PCDH15: variants seen among roughly 807,000 people sequenced by gnomAD.
PCDH15 encodes protocadherin related 15.
A neutral mutation model predicts 178.5 loss-of-function variants in PCDH15; 129 were observed. The ratio of observed to expected loss-of-function variants is 0.72; its 90% CI spans 0.63 to 0.84. The LOEUF (loss-of-function observed/expected upper bound fraction) is 0.84, where lower values mean the gene tolerates loss of function less well. PCDH15 is among the 40% of genes least tolerant of loss of function. PCDH15 has a pLI of 0.00. For missense variants in PCDH15, 2,230 were observed against 2,099.9 expected, an observed-to-expected ratio of 1.06 and a Z score of -1.21; for synonymous variants, 800 against 732.0, an observed-to-expected ratio of 1.09 and a Z score of -1.50.
At chr10:54,441,592 C>A (rs1172359954) in intron 3 of PCDH15, among the ~76,000 whole-genome samples, 1 of 151,958 alleles carries the variant, frequency 6.6e-6, no homozygotes, top group East Asian at 1.9e-4. Context: ...ATTCACACAC[C>A]AAATTGTGGC....
chr10:54,951,978 C>T (rs1240198306), intron 2 of PCDH15, among the ~76,000 whole-genome samples: 3 of 151,726 alleles, frequency 2.0e-5, no homozygotes, highest in Non-Finnish European at 4.4e-5. Context: ...AAATTGCCTC[C>T]TCAATCCGTG....
chr10:54,389,885 G>A (rs1442370600), intron 3 of PCDH15, among the ~76,000 whole-genome samples: 1 of 152,130 alleles, frequency 6.6e-6, no homozygotes, highest in Non-Finnish European at 1.5e-5. Context: ...CCAGGAGGCA[G>A]AGGTTGCAGA....
intron 2 of PCDH15, among the ~76,000 whole-genome samples, chr10:54,540,216 GT>G (rs2085057051): frequency 6.6e-6 from 1 of 152,050 alleles, no homozygotes; most frequent in South Asian, 2.1e-4. Context: ...CCAAAAGTTG[GT>G]TGTTTGAAAG....
chr10:53,886,586 T>G (rs928965952), intron 26 of PCDH15, among the ~76,000 whole-genome samples: 1 of 141,040 alleles, frequency 7.1e-6, no homozygotes, highest in Non-Finnish European at 1.5e-5. Flanking sequence ...CCTGCCCACA[T>G]GTATGCCTCT....
chr10:53,987,976 G>C (rs568658244), intron 21 of PCDH15, among the ~76,000 whole-genome samples: 1 of 152,138 alleles, frequency 6.6e-6, no homozygotes, highest in East Asian at 1.9e-4. Context: ...TTCATTCTTA[G>C]AGAATGGATT....
chr10:54,047,302 G>A (rs1161682369), intron 18 of PCDH15, among the ~76,000 whole-genome samples: 1 of 150,302 alleles, frequency 6.7e-6, no homozygotes, highest in African/African-American at 2.5e-5. Flanking sequence ...GTAAAGAGAT[G>A]TGCTATTTTT....
At chr10:53,847,776 C>T (rs1344511383) in intron 28 of PCDH15, among the ~76,000 whole-genome samples, 1 of 152,088 alleles carries the variant, frequency 6.6e-6, no homozygotes, top group Admixed American at 6.5e-5. Context: ...CTTACTCTTA[C>T]TCTGATCCTT....
At chr10:55,557,129 T>C (rs1842106529) in intron 2 of PCDH15, among the ~76,000 whole-genome samples, 2 of 152,170 alleles carry the variant, frequency 1.3e-5, no homozygotes, top group South Asian at 4.1e-4. Context: ...TATCTTTTAA[T>C]GTCTTCTGCT....
Position 55,013,276 on chromosome 10 carries a change from A to T in PCDH15, c.-79-115776T>A, listed in dbSNP as rs6481135. 7.9e-4 allele frequency among the ~76,000 whole-genome samples: 120 copies of T among 152,274 alleles called. 3 individuals are homozygous for T. The highest frequency in any genetic ancestry group is 7.0e-3 in the South Asian group (34 of 4,830). On this transcript the variant is annotated intron_variant, in intron 2 of 5. Coordinates refer to the PCDH15 transcript ENST00000458638. ...TTCTTCATCATCTATTAGCTCCTCCAACAGTTCTGTGCACAGTACCTGAAA... is the reference window on the plus strand; with the variant it reads ...TTCTTCATCATCTATTAGCTCCTCCTACAGTTCTGTGCACAGTACCTGAAA...
chr10:55,081,393 T>C lies in PCDH15; in HGVS notation c.-80+85183A>G, dbSNP rs182373694. On this transcript the variant is annotated intron_variant, in intron 2 of 5. Coordinates refer to the PCDH15 transcript ENST00000458638. Reference sequence around the variant, plus strand: ...CTCATTTATGAAGGCTCCACTCTCATGACCTAATTACATTCCAAGTGCCCT... The same window carrying C: ...CTCATTTATGAAGGCTCCACTCTCACGACCTAATTACATTCCAAGTGCCCT... Among the ~76,000 whole-genome samples the C allele has an allele frequency of 3.3e-5, 5 of 152,322 alleles. No individual in the cohort carries two copies. The East Asian group carries it at 9.7e-4, about 29-fold the overall frequency.
In PCDH15 at chr10:53,866,639, T is replaced by C. The variant is rs2079475588; in HGVS notation, c.3717+3A>G. 6.2e-7 allele frequency: 1 copy of C among 1,612,346 alleles called. No homozygotes were observed. The highest frequency in any genetic ancestry group is 1.3e-5 in the African/African-American group (1 of 74,894). On this transcript the variant is annotated splice_donor_region_variant and intron_variant, in intron 27 of 37. Transcript: ENST00000644397. ...TCCCTTTCCTGAAGTTTTATCTACT[T>C]ACGAGTACATCGGCTTTGCCGCTCA... is the stretch of plus-strand genomic sequence containing the variant.
At chr10:55,620,961 C>T (rs1162522204) in intron 2 of PCDH15, among the ~76,000 whole-genome samples, 4 of 151,546 alleles carry the variant, frequency 2.6e-5, no homozygotes, top group African/African-American at 9.7e-5. Context: ...AAGAACATAA[C>T]ATGTCATGCA....
At chr10:53,850,864 T>C (rs1479751114) in intron 28 of PCDH15, among the ~76,000 whole-genome samples, 1 of 152,096 alleles carries the variant, frequency 6.6e-6, no homozygotes, top group African/African-American at 2.4e-5. Context: ...AGCAATTTAA[T>C]TGTAGAATAT....
intron 18 of PCDH15, among the ~76,000 whole-genome samples, chr10:54,032,233 T>G (rs1590023562): frequency 6.6e-6 from 1 of 152,052 alleles, no homozygotes; most frequent in Admixed American, 6.6e-5. Context: ...CTGATTATTC[T>G]TCAGCCCTAG....
At chr10:54,995,262 A>G (rs897007765) in intron 2 of PCDH15, among the ~76,000 whole-genome samples, 2 of 151,806 alleles carry the variant, frequency 1.3e-5, no homozygotes, top group Admixed American at 6.6e-5. Context: ...TGTAGTCCCA[A>G]CTACTCGGGA....
rs552411873 is a variant in PCDH15 at position 55,277,588 on chromosome 10, A to G, written c.-156+42011T>C. Among the ~76,000 whole-genome samples, 9 of 152,212 alleles carry G rather than the reference A, an allele frequency of 5.9e-5. No homozygotes were observed. The East Asian group carries it at 1.7e-3, about 29-fold the overall frequency. On this transcript the variant is annotated intron_variant, in intron 1 of 5. Transcript: ENST00000458638. ...CCCTGCTTTCCTGGAAGCATACAAA[A>G]CTAGTATAATGACAGACTGCTAAAA...
chr10:54,463,537 C>A (rs952006954), intron 3 of PCDH15, among the ~76,000 whole-genome samples: 3 of 152,068 alleles, frequency 2.0e-5, no homozygotes, highest in African/African-American at 7.2e-5. Flanking sequence ...TACGCCAAAG[C>A]CTTGCCAGGA....
rs529997786 is a variant in PCDH15 at position 54,344,670 on chromosome 10, T to A, written c.594+1695A>T. On this transcript the variant is annotated intron_variant, in intron 6 of 37. Coordinates refer to ENST00000644397, the MANE Select transcript of PCDH15 (RefSeq NM_001384140.1). The stretch of plus-strand genomic sequence containing the variant: ...ACGTACAATTAATTCTTTAAAAAAA[T>A]ACCTAAAGAGCAAACAAAATAAATG... Among the ~76,000 whole-genome samples the A allele has an allele frequency of 2.6e-5, 4 of 152,102 alleles. No homozygotes were observed. The South Asian group carries it at 8.3e-4, about 32-fold the overall frequency.
At chr10:53,922,060 C>A (rs1468884969) in intron 25 of PCDH15, among the ~76,000 whole-genome samples, 1 of 151,488 alleles carries the variant, frequency 6.6e-6, no homozygotes, top group East Asian at 1.9e-4. Flanking sequence ...AGAAAGTTGT[C>A]TTTGTTTATG....
Sources: gnomAD v4.1 joint callset for allele counts (sites outside exome capture counted in the v4.1 genomes callset) on GRCh38, gnomAD v4.1.1 for gene constraint, MANE v1.5 for transcripts, NCBI Gene and HGNC (gene_info 2026-07-23, HGNC 2026-07-21) for gene names.